Variants in RGS6 observed in about 807,000 individuals in gnomAD.
RGS6 encodes regulator of G-protein signaling 6.
RGS6 carries 30 observed loss-of-function variants against 78.5 expected under a neutral mutation model. The observed-to-expected ratio is 0.38, with a 90% CI of 0.29 to 0.52. The LOEUF (loss-of-function observed/expected upper bound fraction) is 0.52. Ranked by LOEUF, RGS6 falls within the 20% of genes least tolerant of loss-of-function variation. RGS6 has a pLI of 0.85. For missense variants in RGS6, 495 were observed against 609.7 expected, an observed-to-expected ratio of 0.81 and a Z score of 1.98; for synonymous variants, 206 against 206.0, an observed-to-expected ratio of 1.00 and a Z score of 0.00.
chr14:72,205,807 C>T (rs1020038205), intron 2 of RGS6, among the ~76,000 whole-genome samples: 4 of 152,132 alleles, frequency 2.6e-5, no homozygotes, highest in East Asian at 1.9e-4. Flanking sequence ...TTCTGCAGAC[C>T]GAAATGCTGT....
At chr14:72,156,208 A>G (rs1034080793) in intron 2 of RGS6, among the ~76,000 whole-genome samples, 4 of 152,150 alleles carry the variant, frequency 2.6e-5, no homozygotes, top group African/African-American at 9.7e-5. Flanking sequence ...AGCATTTGGG[A>G]GGCTGAGGCA....
At chr14:71,907,879 G>A in the RGS6 span, among the ~76,000 whole-genome samples, 4 of 152,130 alleles carry the variant, frequency 2.6e-5, no homozygotes, top group Non-Finnish European at 5.9e-5. Context: ...GAGCCTAAAG[G>A]TAGCATACCC....
At chr14:72,171,235 CAA>C in intron 2 of RGS6, among the ~76,000 whole-genome samples, 1 of 152,192 alleles carries the variant, frequency 6.6e-6, no homozygotes, top group Non-Finnish European at 1.5e-5. Flanking sequence ...CAGACACACA[CAA>C]GAGGCACATG....
At chr14:71,901,649 G>C in the RGS6 span, among the ~76,000 whole-genome samples, 1 of 152,168 alleles carries the variant, frequency 6.6e-6, no homozygotes, top group Non-Finnish European at 1.5e-5. Flanking sequence ...TAAGGTGAGA[G>C]TTATTTGACT....
chr14:72,321,127 T>C (rs1327104604), intron 2 of RGS6, among the ~76,000 whole-genome samples: 1 of 151,826 alleles, frequency 6.6e-6, no homozygotes, highest in African/African-American at 2.4e-5. Flanking sequence ...ACAATTTGTA[T>C]TGCTTTTAGT....
At chr14:72,343,756 T>C (rs780360705) in intron 2 of RGS6, among the ~76,000 whole-genome samples, 10 of 152,208 alleles carry the variant, frequency 6.6e-5, no homozygotes, top group Non-Finnish European at 1.3e-4. Flanking sequence ...TAATCTCATT[T>C]ATCCAGCAGT....
rs754173288 is a variant in RGS6 at position 72,507,963 on chromosome 14, A to AG, written c.966-2191_966-2190insG. On this transcript the variant is annotated intron_variant, in intron 13 of 17. Transcript: ENST00000553525. ...CAACCCCAGGGGAATTCTTCCACAA[A>AG]CAGTATTTTTGGTTCCCTTGAAAGT... Among the ~76,000 whole-genome samples the AG allele has an allele frequency of 8.4e-4, 128 of 152,210 alleles. 1 individual carries two copies. The highest frequency in any genetic ancestry group is 1.4e-3 in the Non-Finnish European group (95 of 68,034).
intron 2 of RGS6, among the ~76,000 whole-genome samples, chr14:72,286,833 G>C (rs1164597303): frequency 6.6e-6 from 1 of 151,728 alleles, no homozygotes; most frequent in African/African-American, 2.4e-5. Flanking sequence ...GCCCAGGCTG[G>C]AGTGCAGTGG....
Position 72,566,487 on chromosome 14 carries a change from C to G in RGS6, c.*4020C>G, listed in dbSNP as rs2097711243. 6.6e-6 allele frequency: 1 copy of G among 152,210 alleles called. No individual in the cohort carries two copies. The highest frequency in any genetic ancestry group is 1.5e-5 in the Non-Finnish European group (1 of 68,056). 9.4% of individuals were successfully genotyped at this position (152,210 alleles called of 1,614,324 possible). A position where few individuals can be genotyped will look rare whatever the true frequency, so the allele number is the denominator to read the frequency against. On this transcript the variant is annotated 3_prime_UTR_variant, in exon 18 of 18. Coordinates refer to ENST00000553525, the MANE Select transcript of RGS6 (RefSeq NM_001204424.2). ...GGATTGGACCCCAGAACCAAACATG[C>G]TGGTACAGTCTAAAAATAAATGACT...
At chr14:72,495,739 A>G (rs966360355) in intron 13 of RGS6, among the ~76,000 whole-genome samples, 1 of 152,204 alleles carries the variant, frequency 6.6e-6, no homozygotes, top group Non-Finnish European at 1.5e-5. Flanking sequence ...TCATACTGCT[A>G]GTACAGCAGA....
chr14:72,339,704 A>T (rs2076641808), intron 2 of RGS6, among the ~76,000 whole-genome samples: 1 of 152,108 alleles, frequency 6.6e-6, no homozygotes. Context: ...CAGGAACAGC[A>T]CTCTGATGTC....
intron 2 of RGS6, among the ~76,000 whole-genome samples, chr14:72,314,449 T>C (rs554897682): frequency 2.6e-4 from 39 of 152,234 alleles, no homozygotes; most frequent in Non-Finnish European, 4.4e-4. Context: ...CTTACAGACT[T>C]CTACTTATGT....
chr14:72,513,342 C>T (rs2096901727), intron 14 of RGS6, among the ~76,000 whole-genome samples: 1 of 152,142 alleles, frequency 6.6e-6, no homozygotes, highest in African/African-American at 2.4e-5. Context: ...AAGTTGACAT[C>T]CCCTTTGATC....
intron 2 of RGS6, among the ~76,000 whole-genome samples, chr14:71,971,253 T>A (rs2153075736): frequency 1.3e-5 from 2 of 152,292 alleles, no homozygotes; most frequent in Middle Eastern, 6.8e-3. Context: ...AGGGCTCCTG[T>A]GACCTCTGGG....
chr14:72,351,603 T>G (rs1279457841), intron 2 of RGS6, among the ~76,000 whole-genome samples: 1 of 152,196 alleles, frequency 6.6e-6, no homozygotes, highest in Admixed American at 6.5e-5. Context: ...TCTAGATGTA[T>G]CCTTCTCTAG....
At chr14:72,375,927 T>C (rs887682660) in intron 3 of RGS6, among the ~76,000 whole-genome samples, 1 of 152,082 alleles carries the variant, frequency 6.6e-6, no homozygotes, top group African/African-American at 2.4e-5. Context: ...TCATCAGATG[T>C]GTAGAAATCA....
At chr14:71,921,971 T>A in the RGS6 span, among the ~76,000 whole-genome samples, 106 of 152,366 alleles carry the variant, frequency 7.0e-4, 1 homozygote, top group African/African-American at 2.5e-3. Context: ...CTGTAGACAC[T>A]GTCACTGCCA....
intron 3 of RGS6, among the ~76,000 whole-genome samples, chr14:72,440,928 ATG>A (rs748503074): frequency 7.3e-5 from 11 of 151,494 alleles, no homozygotes; most frequent in Non-Finnish European, 1.6e-4. Context: ...GGGTGTGAAT[ATG>A]TGTGAGCGTT....
At chr14:72,406,019 G>A (rs1277278729) in intron 3 of RGS6, among the ~76,000 whole-genome samples, 1 of 152,186 alleles carries the variant, frequency 6.6e-6, no homozygotes, top group Non-Finnish European at 1.5e-5. Context: ...GACAATAAAT[G>A]GGAGAGGGTG....
Sources: allele counts gnomAD v4.1 joint callset (sites outside exome capture counted in the v4.1 genomes callset), GRCh38; gene constraint gnomAD v4.1.1; transcripts MANE v1.5; gene names NCBI Gene and HGNC (gene_info 2026-07-23, HGNC 2026-07-21).